PPP2R5E: variants seen among roughly 807,000 people sequenced by gnomAD.
PPP2R5E encodes serine/threonine-protein phosphatase 2A 56 kDa regulatory subunit epsilon isoform.
A neutral mutation model predicts 65.3 loss-of-function variants in PPP2R5E; 4 were observed. The ratio of observed to expected loss-of-function variants is 0.06; its 90% CI spans 0.03 to 0.14. The LOEUF (loss-of-function observed/expected upper bound fraction) is 0.14. Ranked by LOEUF, PPP2R5E falls within the 10% of genes least tolerant of loss-of-function variation. PPP2R5E has a pLI of 1.00. For synonymous variants in PPP2R5E, 183 were observed against 187.4 expected, an observed-to-expected ratio of 0.98 and a Z score of 0.19; for missense variants, 274 against 556.1, an observed-to-expected ratio of 0.49 and a Z score of 5.10.
intron 2 of PPP2R5E, among the ~76,000 whole-genome samples, chr14:63,454,558 T>C (rs1416808375): frequency 2.0e-5 from 3 of 152,232 alleles, no homozygotes; most frequent in Non-Finnish European, 2.9e-5. Flanking sequence ...ACTAACATCT[T>C]ATATTAATAT....
chr14:63,481,400 G>A (rs1425156818), intron 2 of PPP2R5E, among the ~76,000 whole-genome samples: 1 of 151,328 alleles, frequency 6.6e-6, no homozygotes, highest in Non-Finnish European at 1.5e-5. Context: ...GGAGGGTGAG[G>A]CAGGGGAATT....
chr14:63,416,778 T>C (rs1419742083), intron 4 of PPP2R5E, among the ~76,000 whole-genome samples: 1 of 152,166 alleles, frequency 6.6e-6, no homozygotes, highest in Non-Finnish European at 1.5e-5. Context: ...TATAGTTTTA[T>C]AAATCTCTTT....
chr14:63,416,261 C>T (rs967071411), intron 4 of PPP2R5E, among the ~76,000 whole-genome samples: 2 of 152,162 alleles, frequency 1.3e-5, no homozygotes, highest in African/African-American at 4.8e-5. Flanking sequence ...TTGAGTCAAG[C>T]CTGGGCAAGA....
At chr14:63,427,439 G>GTA (rs1566694105) in intron 3 of PPP2R5E, among the ~76,000 whole-genome samples, 1 of 152,108 alleles carries the variant, frequency 6.6e-6, no homozygotes, top group Non-Finnish European at 1.5e-5. Context: ...TGCCTCTGAG[G>GTA]TAGTCTAATT....
intron 2 of PPP2R5E, among the ~76,000 whole-genome samples, chr14:63,530,226 G>GTTTTTTTTTTTTTT (rs555112537): frequency 3.0e-5 from 3 of 99,484 alleles, no homozygotes; most frequent in Non-Finnish European, 3.8e-5. Context: ...AAATTTTTCC[G>GTTTTTTTTTTTTTT]TTTTTTTTTT....
intron 2 of PPP2R5E, among the ~76,000 whole-genome samples, chr14:63,501,404 CA>C (rs140023470): frequency 0.32 from 27,783 of 86,974 alleles, 3,101 homozygotes; most frequent in African/African-American, 0.47. Context: ...GACTCCGTCT[CA>C]AAAAAAAAAA....
chr14:63,496,443 CAA>C (rs753525299), intron 2 of PPP2R5E, among the ~76,000 whole-genome samples: 14 of 118,608 alleles, frequency 1.2e-4, no homozygotes, highest in Admixed American at 2.8e-4. Flanking sequence ...GACTCTGTCT[CAA>C]AAAAAAAAAA....
chr14:63,529,969 C>T (rs768769698), intron 2 of PPP2R5E, among the ~76,000 whole-genome samples: 7 of 151,912 alleles, frequency 4.6e-5, no homozygotes, highest in Non-Finnish European at 8.8e-5. Context: ...GCAGCTAACA[C>T]GATACTCAGA....
At position 63,459,102 on chromosome 14, in the gene PPP2R5E, C is replaced by T. The variant is rs189830460; in HGVS notation, c.158-5217G>A. Among the ~76,000 whole-genome samples the T allele has an allele frequency of 1.6e-4, 25 of 152,244 alleles. No homozygotes were observed. In the East Asian group the frequency reaches 4.1e-3, roughly 25 times the overall value. ...GAGAATTTTACTTGCATAAGACATA[C>T]GAGTCTATATTTACAGAAAACTAAG... On this transcript the variant is annotated intron_variant, in intron 2 of 13. Coordinates refer to ENST00000337537, the MANE Select transcript of PPP2R5E (RefSeq NM_006246.5).
At chr14:63,495,007 C>A (rs1415207130) in intron 2 of PPP2R5E, among the ~76,000 whole-genome samples, 1 of 151,746 alleles carries the variant, frequency 6.6e-6, no homozygotes, top group African/African-American at 2.4e-5. Flanking sequence ...AGTTGGAGAC[C>A]AGCCTGGCTA....
At chr14:63,527,651 C>T (rs1893233337) in intron 2 of PPP2R5E, among the ~76,000 whole-genome samples, 2 of 152,098 alleles carry the variant, frequency 1.3e-5, no homozygotes. Flanking sequence ...AAGTCAGCTC[C>T]TGGCCAGGTG....
chr14:63,387,503 T>C (rs1245109351), intron 11 of PPP2R5E, among the ~76,000 whole-genome samples: 1 of 151,942 alleles, frequency 6.6e-6, no homozygotes, highest in Non-Finnish European at 1.5e-5. Flanking sequence ...CAAGCAATGA[T>C]AAGTGTCTGG....
intron 2 of PPP2R5E, among the ~76,000 whole-genome samples, chr14:63,471,220 G>C (rs1199982629): frequency 6.6e-6 from 1 of 152,160 alleles, no homozygotes; most frequent in African/African-American, 2.4e-5. Flanking sequence ...ATTGTTCATA[G>C]ACCCAGATGG....
chr14:63,398,257 A>C (rs1273647703), intron 5 of PPP2R5E, among the ~76,000 whole-genome samples: 1 of 152,132 alleles, frequency 6.6e-6, no homozygotes, highest in Non-Finnish European at 1.5e-5. Context: ...CCTAAAATTC[A>C]TATGGAAATG....
chr14:63,406,321 G>T (rs941708931), intron 5 of PPP2R5E, among the ~76,000 whole-genome samples: 2 of 149,860 alleles, frequency 1.3e-5, no homozygotes, highest in Non-Finnish European at 2.9e-5. Flanking sequence ...TGAGACAGAA[G>T]AATCACTTGA....
intron 4 of PPP2R5E, among the ~76,000 whole-genome samples, chr14:63,417,015 T>C (rs1886731944): frequency 1.3e-5 from 2 of 152,206 alleles, no homozygotes; most frequent in Non-Finnish European, 2.9e-5. Context: ...TTCTTAAAGA[T>C]TAGTTGCAAC....
intron 13 of PPP2R5E, among the ~76,000 whole-genome samples, chr14:63,378,179 G>A (rs973305551): frequency 2.0e-5 from 3 of 152,236 alleles, no homozygotes; most frequent in African/African-American, 7.2e-5. Flanking sequence ...AGATCCTGCT[G>A]ACTTTCGATG....
At chr14:63,394,605 C>T (rs1885218618) in intron 7 of PPP2R5E, among the ~76,000 whole-genome samples, 1 of 152,170 alleles carries the variant, frequency 6.6e-6, no homozygotes, top group Admixed American at 6.5e-5. Context: ...TTTCCATTTC[C>T]AGACATCATT....
chr14:63,402,007 T>C (rs1428459324), intron 5 of PPP2R5E, among the ~76,000 whole-genome samples: 3 of 152,202 alleles, frequency 2.0e-5, no homozygotes, highest in Non-Finnish European at 4.4e-5. Flanking sequence ...ATGTGGTGTA[T>C]TGATGATTTA....
Sources: gnomAD v4.1 joint callset for allele counts (sites outside exome capture counted in the v4.1 genomes callset) on GRCh38, gnomAD v4.1.1 for gene constraint, MANE v1.5 for transcripts, NCBI Gene and HGNC (gene_info 2026-07-23, HGNC 2026-07-21) for gene names.